USP24: variants seen among roughly 807,000 people sequenced by gnomAD.
USP24 encodes ubiquitin carboxyl-terminal hydrolase 24.
A neutral mutation model predicts 361.6 loss-of-function variants in USP24; 97 were observed. The observed-to-expected ratio is 0.27, with a 90% CI of 0.23 to 0.32. The LOEUF is 0.32. USP24 is among the 10% of genes least tolerant of loss of function. USP24 has a pLI of 1.00. For synonymous variants in USP24, 1,098 were observed against 1,124.6 expected (o/e 0.98, Z 0.47); for missense variants, 2,353 against 3,165.6 (o/e 0.74, Z 6.16).
chr1:55,087,690 C>T (rs1420356821), intron 55 of USP24, among the ~76,000 whole-genome samples: 1 of 152,162 alleles, frequency 6.6e-6, no homozygotes, highest in Non-Finnish European at 1.5e-5. Flanking sequence ...ATTTGCCAGC[C>T]TCTTTGTGTC....
At chr1:55,189,201 A>AG (rs1644221811) in intron 1 of USP24, among the ~76,000 whole-genome samples, 1 of 152,186 alleles carries the variant, frequency 6.6e-6, no homozygotes, top group East Asian at 1.9e-4. Flanking sequence ...ACACGTATAC[A>AG]TGAGTGTTCG....
In USP24 at chr1:55,133,988, G is replaced by T; in HGVS notation, c.3381+82C>A. On this transcript the variant is annotated intron_variant, in intron 30 of 67. Coordinates refer to ENST00000294383, the MANE Select transcript of USP24 (RefSeq NM_015306.3). Reference sequence around the variant, plus strand: ...CATTATGGGAAAGATGGTATCATATGACCTTGATGTGATTTCAGGTTGTAT... The same window carrying T: ...CATTATGGGAAAGATGGTATCATATTACCTTGATGTGATTTCAGGTTGTAT... 3 of 1,209,582 alleles carry T rather than the reference G, an allele frequency of 2.5e-6. No individual in the cohort carries two copies. In the South Asian group the frequency reaches 3.9e-5, roughly 16 times the overall value. 74.9% of individuals were successfully genotyped at this position (1,209,582 alleles called of 1,614,324 possible). A position where few individuals can be genotyped will look rare whatever the true frequency, so the allele number is the denominator to read the frequency against.
rs184010487 is a variant in USP24 at position 55,179,579 on chromosome 1, T to C, written c.325-1447A>G. Among the ~76,000 whole-genome samples, 44 of 152,304 alleles carry C rather than the reference T, an allele frequency of 2.9e-4. 1 individual carries two copies. In the East Asian group the frequency reaches 7.5e-3, roughly 26 times the overall value. On this transcript the variant is annotated intron_variant, in intron 1 of 67. Coordinates refer to ENST00000294383, the MANE Select transcript of USP24 (RefSeq NM_015306.3). ...CCCCCGTAAATCCTGGTCCCCTTCT[T>C]GTGTTCTTCATCCCAGTGAATGGCA...
At chr1:55,209,673 A>T (rs1644803332) in intron 1 of USP24, among the ~76,000 whole-genome samples, 1 of 152,220 alleles carries the variant, frequency 6.6e-6, no homozygotes, top group African/African-American at 2.4e-5. Flanking sequence ...CATGAGCTTT[A>T]GTGCACTTAG....
chr1:55,196,295 T>TC (rs1553171632), intron 1 of USP24, among the ~76,000 whole-genome samples: 2 of 152,118 alleles, frequency 1.3e-5, no homozygotes, highest in Non-Finnish European at 2.9e-5. Flanking sequence ...AGACTGAGGC[T>TC]CCCCCTTGGT....
rs777160421 is a variant in USP24 at position 55,097,054 on chromosome 1, C to T, written c.5834G>A (p.Arg1945Gln). The change falls in exon 49 of 68, where the codon CGA becomes CAA. Residue 1945 changes from arginine (R) to glutamine (Q), a missense_variant. By Grantham distance (43) the Arg-to-Gln change is conservative. Transcript: ENST00000294383. ...SVDQGGGGSP[R>Q]KKVALTENYE... ...GTTTTCTGTGAGGGCAACCTTTTTT[C>T]GTGGGGATCCTCCACCGCCCTGATC... 7.4e-6 allele frequency: 12 copies of T among 1,613,490 alleles called. No homozygotes were observed. The highest frequency in any genetic ancestry group is 6.7e-5 in the East Asian group (3 of 44,854).
chr1:55,180,153 T>C (rs1643920927), intron 1 of USP24, among the ~76,000 whole-genome samples: 1 of 152,198 alleles, frequency 6.6e-6, no homozygotes, highest in African/African-American at 2.4e-5. Context: ...TGGCCCCACA[T>C]ACTCTTCCAG....
chr1:55,122,790 AG>A (rs1192062539), intron 36 of USP24, among the ~76,000 whole-genome samples: 1 of 152,216 alleles, frequency 6.6e-6, no homozygotes, highest in Non-Finnish European at 1.5e-5. Flanking sequence ...AGAAAACTCT[AG>A]GATGATATGG....
At chr1:55,099,909 C>A (rs772447763) in intron 44 of USP24, 40 bp from the exon 45 acceptor site, 228 of 1,441,846 alleles carry the variant, frequency 1.6e-4, no homozygotes, top group Non-Finnish European at 2.0e-4. Flanking sequence ...GGAAAAGTAG[C>A]AATTTCTGAA....
chr1:55,095,781 G>C (rs1645483668), intron 50 of USP24, among the ~76,000 whole-genome samples: 1 of 152,208 alleles, frequency 6.6e-6, no homozygotes, highest in Admixed American at 6.5e-5. Flanking sequence ...TTTCTGCCAA[G>C]ATCGGCCAAA....
intron 41 of USP24, among the ~76,000 whole-genome samples, chr1:55,104,690 C>T (rs1645726106): frequency 1.3e-5 from 2 of 152,080 alleles, no homozygotes; most frequent in Non-Finnish European, 2.9e-5. Context: ...AAGAGGATAG[C>T]CAACCTCTGA....
chr1:55,106,182 C>G lies in USP24; in HGVS notation c.4844G>C (p.Gly1615Ala). 6.2e-7 allele frequency: 1 copy of G among 1,613,848 alleles called. No individual in the cohort carries two copies. The highest frequency in any genetic ancestry group is 8.5e-7 in the Non-Finnish European group (1 of 1,179,780). The change falls in exon 41 of 68, where the codon GGC becomes GCC. Residue 1615 changes from glycine to alanine, a missense_variant. Physicochemically the swap from Gly to Ala is moderately conservative, Grantham distance 60 (BLOSUM62 0). Around this residue, in one of 8 missense-constraint regions of USP24, gnomAD observed 949 missense variants for 1,280.5 expected, o/e 0.74. Coordinates refer to ENST00000294383, the MANE Select transcript of USP24 (RefSeq NM_015306.3). ...RIILNSHSPA[G>A]SAAISQQDFH... is the part of the protein sequence containing the mutation. ...GTCCTGTTGACTGATGGCGGCACTG[C>G]CAGCTGGAGAATGACTATTTAAAAT...
chr1:55,151,353 G>A (rs762818711), intron 16 of USP24, among the ~76,000 whole-genome samples: 2 of 152,150 alleles, frequency 1.3e-5, no homozygotes, highest in African/African-American at 2.4e-5. Context: ...ACCACATCAT[G>A]TGAAAGTATC....
At chr1:55,150,037 C>G (rs1023689159) in intron 16 of USP24, among the ~76,000 whole-genome samples, 3 of 152,160 alleles carry the variant, frequency 2.0e-5, no homozygotes, top group Non-Finnish European at 2.9e-5. Flanking sequence ...AAATGTCTCT[C>G]TGTCCTAAGC....
intron 31 of USP24, among the ~76,000 whole-genome samples, chr1:55,130,639 T>C (rs545232353): frequency 3.3e-5 from 5 of 152,140 alleles, no homozygotes; most frequent in Non-Finnish European, 7.4e-5. Flanking sequence ...TAATGAGCAT[T>C]ACATGGGAGA....
chr1:55,189,581 A>T (rs1191132546), intron 1 of USP24, among the ~76,000 whole-genome samples: 2 of 152,212 alleles, frequency 1.3e-5, no homozygotes, highest in Non-Finnish European at 1.5e-5. Context: ...GGAGATAGAA[A>T]AAGACAGCAT....
At chr1:55,075,625 GACAACA>G (rs772865911) in intron 62 of USP24, 102 bp from the exon 63 acceptor site, 13 of 624,464 alleles carry the variant, frequency 2.1e-5, no homozygotes, top group African/African-American at 1.7e-4. Context: ...TTTAGTGTTT[GACAACA>G]ACAACAACAA....
intron 9 of USP24, 83 bp from the exon 10 acceptor site, chr1:55,159,119 T>A: frequency 8.3e-7 from 1 of 1,212,100 alleles, no homozygotes; most frequent in Non-Finnish European, 1.1e-6. Context: ...CACAAGAATA[T>A]AGGGTAACAG....
intron 9 of USP24, 23 bp from the exon 10 acceptor site, chr1:55,159,059 A>C (rs1295479620): frequency 2.1e-6 from 3 of 1,441,060 alleles, no homozygotes; most frequent in Admixed American, 2.8e-5. Flanking sequence ...AAAAACAAAA[A>C]AACAAAAAAG....
Sources: allele counts gnomAD v4.1 joint callset (sites outside exome capture counted in the v4.1 genomes callset), GRCh38; gene constraint gnomAD v4.1.1; regional missense constraint gnomAD v4.1.1; transcripts MANE v1.5; gene names NCBI Gene and HGNC (gene_info 2026-07-23, HGNC 2026-07-21).